MOV10L1: variants seen among roughly 807,000 people sequenced by gnomAD.
MOV10L1 encodes the protein Mov10 like RNA helicase 1.
In MOV10L1, 110 loss-of-function variants were observed where a neutral mutation model predicts 143.8. The ratio of observed to expected loss-of-function variants is 0.76; its 90% CI spans 0.66 to 0.90. The LOEUF (loss-of-function observed/expected upper bound fraction) is 0.90. MOV10L1 is among the 40% of genes least tolerant of loss of function. MOV10L1 has a pLI of 0.00. For missense variants in MOV10L1, 1,406 were observed against 1,526.8 expected (o/e 0.92, Z 1.32); for synonymous variants, 593 against 581.1 (o/e 1.02, Z -0.29).
intron 17 of MOV10L1, 152 bp downstream of exon 17, chr22:50,143,373 G>C (rs774717135): frequency 3.3e-6 from 3 of 905,616 alleles, no homozygotes; most frequent in Non-Finnish European, 1.8e-6. Context: ...GTCTGTTTTT[G>C]TGGATATGTA....
At chr22:50,137,551 A>T (rs2147306348) in intron 15 of MOV10L1, among the ~76,000 whole-genome samples, 1 of 151,818 alleles carries the variant, frequency 6.6e-6, no homozygotes, top group Non-Finnish European at 1.5e-5. Context: ...ATCCCAGAAA[A>T]AAAATTAGCT....
intron 13 of MOV10L1, among the ~76,000 whole-genome samples, chr22:50,130,585 A>G (rs35328069): frequency 0.22 from 34,051 of 151,910 alleles, 4,143 homozygotes; most frequent in Admixed American, 0.35. Context: ...GGAGGGGGGT[A>G]CTTTTTGTTT....
In MOV10L1 at chr22:50,149,482, C is replaced by A. The variant is rs543977519; in HGVS notation, c.2628-133C>A. ...CCTCCAGCCGGGTGACACCCAGACCCCCAGCTCCTGCACACCCCTGGGCAA... is the reference window on the plus strand; with the variant it reads ...CCTCCAGCCGGGTGACACCCAGACCACCAGCTCCTGCACACCCCTGGGCAA... On this transcript the variant is annotated intron_variant, in intron 19 of 26. Coordinates refer to ENST00000262794, the MANE Select transcript of MOV10L1 (RefSeq NM_018995.3). 3.9e-6 allele frequency: 3 copies of A among 765,072 alleles called. No homozygotes were observed. The East Asian group carries it at 8.1e-5, about 21-fold the overall frequency. 47.4% of individuals were successfully genotyped at this position (765,072 alleles called of 1,614,324 possible). A position where few individuals can be genotyped will look rare whatever the true frequency, so the allele number is the denominator to read the frequency against.
intron 20 of MOV10L1, 113 bp downstream of exon 20, chr22:50,149,827 G>A (rs1048887763): frequency 1.2e-5 from 11 of 918,850 alleles, no homozygotes; most frequent in African/African-American, 6.6e-5. Flanking sequence ...AGGTGGAAGT[G>A]CCAAGGACCC....
rs751002295 is a variant in MOV10L1 at position 50,114,414 on chromosome 22, C to T, written c.918C>T (p.Ser306=). The change falls in exon 7 of 27, where the codon AGC becomes AGT. Residue 306 remains serine, a synonymous_variant. Coordinates refer to ENST00000262794, the MANE Select transcript of MOV10L1 (RefSeq NM_018995.3). ...NKGDIPQNLV[S]CKLAGWDKSK... ...GAGACATTCCTCAAAACTTAGTCAG[C>T]TGTAAACTGGCTGGCTGGGATAAAT... 1 of 1,614,166 alleles carries T rather than the reference C, an allele frequency of 6.2e-7. No individual in the cohort carries two copies. Among genetic ancestry groups the T allele is most frequent in the Non-Finnish European group, 8.5e-7 (1 of 1,180,006 alleles).
At chr22:50,139,087 A>G (rs1457418897) in intron 15 of MOV10L1, among the ~76,000 whole-genome samples, 1 of 152,078 alleles carries the variant, frequency 6.6e-6, no homozygotes, top group African/African-American at 2.4e-5. Context: ...AAAAGACGTA[A>G]ATCAATGGAG....
In MOV10L1 at chr22:50,126,198, C is replaced by T. The variant is rs2062500482; in HGVS notation, c.1748-4C>T. 1 of 1,583,952 alleles carries T rather than the reference C, an allele frequency of 6.3e-7. No individual in the cohort carries two copies. Among genetic ancestry groups the T allele is most frequent in the African/African-American group, 1.3e-5 (1 of 74,112 alleles). On this transcript the variant is annotated splice_region_variant and splice_polypyrimidine_tract_variant and intron_variant, in intron 11 of 26. Transcript: ENST00000262794. ...TTAAACATGGTAATATATTTTTTAACTAGGTGATAAACTGATTTTAAAAAC... is the reference window on the plus strand; with the variant it reads ...TTAAACATGGTAATATATTTTTTAATTAGGTGATAAACTGATTTTAAAAAC...
intron 5 of MOV10L1, chr22:50,109,524 A>C (rs569509930): frequency 4.6e-5 from 7 of 152,816 alleles, no homozygotes; most frequent in Non-Finnish European, 1.0e-4. Context: ...ACAAAAAATT[A>C]GCCGGGCGTG....
Position 50,120,504 on chromosome 22 carries a change from A to G in MOV10L1, c.1457A>G (p.Asn486Ser). 1.3e-6 allele frequency: 2 copies of G among 1,597,926 alleles called. No individual in the cohort carries two copies. The highest frequency in any genetic ancestry group is 1.7e-6 in the Non-Finnish European group (2 of 1,166,500). The change falls in exon 10 of 27, where the codon AAC becomes AGC. Residue 486 changes from asparagine to serine, a missense_variant and splice_region_variant. By Grantham distance (46) the Asn-to-Ser change is conservative. This residue lies in a region of MOV10L1 where 1,233 missense variants were observed against 1,351.4 expected (regional missense o/e 0.91). Coordinates refer to ENST00000262794, the MANE Select transcript of MOV10L1 (RefSeq NM_018995.3). ...ACTTGTGAACTTAATTTTTTAAGGAACTCAAGACGACAACTTCCAAGTTTT... is the reference window on the plus strand; with the variant it reads ...ACTTGTGAACTTAATTTTTTAAGGAGCTCAAGACGACAACTTCCAAGTTTT... ...TTVVVTAQKR[N>S]SRRQLPSFLP...
intron 15 of MOV10L1, among the ~76,000 whole-genome samples, chr22:50,136,650 G>A (rs573256490): frequency 2.0e-5 from 3 of 152,312 alleles, no homozygotes; most frequent in East Asian, 3.9e-4. Flanking sequence ...TGAGTACAGA[G>A]ACAGCATTTG....
At chr22:50,141,629 G>T (rs945326434) in intron 15 of MOV10L1, among the ~76,000 whole-genome samples, 1 of 151,838 alleles carries the variant, frequency 6.6e-6, no homozygotes, top group Non-Finnish European at 1.5e-5. Flanking sequence ...CGTGAGCCCC[G>T]TGCCCGGCCT....
chr22:50,099,198 G>T (rs1235140599), intron 2 of MOV10L1, among the ~76,000 whole-genome samples: 2 of 152,212 alleles, frequency 1.3e-5, no homozygotes, highest in African/African-American at 4.8e-5. Context: ...GGGTGACTGG[G>T]TCACAAGGGC....
At chr22:50,099,750 C>A in intron 3 of MOV10L1, 148 bp downstream of exon 3, 2 of 876,000 alleles carry the variant, frequency 2.3e-6, no homozygotes, top group Non-Finnish European at 3.4e-6. Flanking sequence ...GAGTTGGAGG[C>A]TGCAGTGAGC....
chr22:50,105,040 C>A (rs1444780607), intron 3 of MOV10L1, among the ~76,000 whole-genome samples: 1 of 152,100 alleles, frequency 6.6e-6, no homozygotes, highest in Admixed American at 6.6e-5. Context: ...TACATACATG[C>A]ACTTCCATGC....
chr22:50,153,697 C>T (rs138275), intron 22 of MOV10L1, among the ~76,000 whole-genome samples: 57,791 of 152,174 alleles, frequency 0.38, 12,290 homozygotes, highest in Non-Finnish European at 0.48. Context: ...GAGTGACGGG[C>T]CACCACCCCC....
At chr22:50,140,411 C>A (rs2062946969) in intron 15 of MOV10L1, among the ~76,000 whole-genome samples, 1 of 152,140 alleles carries the variant, frequency 6.6e-6, no homozygotes, top group Admixed American at 6.5e-5. Context: ...TCACACTCTG[C>A]AAAACACAAT....
At chr22:50,097,013 T>G (rs2062606643) in intron 2 of MOV10L1, among the ~76,000 whole-genome samples, 1 of 152,242 alleles carries the variant, frequency 6.6e-6, no homozygotes, top group South Asian at 2.1e-4. Flanking sequence ...CATGTACTTC[T>G]GATGTCACAC....
intron 16 of MOV10L1, among the ~76,000 whole-genome samples, chr22:50,142,680 A>G (rs1569031859): frequency 6.6e-6 from 1 of 151,034 alleles, no homozygotes; most frequent in Non-Finnish European, 1.5e-5. Context: ...AAAAAAAAAT[A>G]CAAAAATTAG....
chr22:50,160,561 T>A, intron 24 of MOV10L1, 127 bp from the exon 25 acceptor site: 2 of 1,291,852 alleles, frequency 1.5e-6, no homozygotes, highest in South Asian at 3.1e-5. Context: ...CTCCTGTTTC[T>A]TTTTGAACCA....
Sources: allele counts gnomAD v4.1 joint callset (sites outside exome capture counted in the v4.1 genomes callset), GRCh38; gene constraint gnomAD v4.1.1; regional missense constraint gnomAD v4.1.1; transcripts MANE v1.5; gene names NCBI Gene and HGNC (gene_info 2026-07-23, HGNC 2026-07-21).